ERGIC1: variants seen among roughly 807,000 people sequenced by gnomAD.
The protein encoded by ERGIC1 is endoplasmic reticulum-golgi intermediate compartment 1, also known as endoplasmic reticulum-Golgi intermediate compartment protein 1.
Under a neutral mutation model 38.3 loss-of-function variants are expected in ERGIC1, and 19 were observed. That is an observed-to-expected ratio of 0.50 (90% CI 0.35 to 0.73). ERGIC1 has a LOEUF of 0.73. ERGIC1 is among the 30% of genes least tolerant of loss of function. The probability of loss-of-function intolerance (pLI) is 0.01; values close to 1 mark genes in which losing one functional copy is unlikely to be tolerated. For missense variants in ERGIC1, 294 were observed against 389.2 expected (o/e 0.76, Z 2.06); for synonymous variants, 124 against 157.6 (o/e 0.79, Z 1.60).
At chr5:172,920,019 C>T (rs1763469520) in intron 5 of ERGIC1, among the ~76,000 whole-genome samples, 1 of 152,202 alleles carries the variant, frequency 6.6e-6, no homozygotes, top group Non-Finnish European at 1.5e-5. Context: ...GGTCACGCAG[C>T]CAGGATTTTA....
At chr5:172,890,417 G>T (rs1180387671) in intron 2 of ERGIC1, among the ~76,000 whole-genome samples, 1 of 152,172 alleles carries the variant, frequency 6.6e-6, no homozygotes, top group Admixed American at 6.5e-5. Context: ...GGGAAAACTG[G>T]TGAAGCCCAA....
chr5:172,877,088 G>A (rs188927675), intron 1 of ERGIC1, among the ~76,000 whole-genome samples: 1 of 152,234 alleles, frequency 6.6e-6, no homozygotes, highest in African/African-American at 2.4e-5. Context: ...TTTATAGTAA[G>A]TCTGGACATC....
intron 2 of ERGIC1, among the ~76,000 whole-genome samples, chr5:172,890,184 G>A (rs1052780132): frequency 3.3e-5 from 5 of 152,072 alleles, no homozygotes; most frequent in African/African-American, 9.7e-5. Context: ...TGCCTCCATG[G>A]GATCGTACCA....
intron 1 of ERGIC1, among the ~76,000 whole-genome samples, chr5:172,857,141 T>C (rs1761569390): frequency 6.6e-6 from 1 of 152,166 alleles, no homozygotes; most frequent in Admixed American, 6.5e-5. Flanking sequence ...GCCACCATGT[T>C]TTATGTATCT....
Position 172,893,868 on chromosome 5 carries a change from GATATATAT to G in ERGIC1, c.83-3103_83-3096del, listed in dbSNP as rs1191189327. ...CATTACGCTGCTGTTCACTTAGGGG[GATATATAT>G]ATATATATATATATATATATATATA... On this transcript the variant is annotated intron_variant, in intron 2 of 9. Coordinates refer to ENST00000393784, the MANE Select transcript of ERGIC1 (RefSeq NM_001031711.3). Among the ~76,000 whole-genome samples, 51 of 28,252 alleles carry G rather than the reference GATATATAT, an allele frequency of 1.8e-3. 2 individuals carry two copies. Among genetic ancestry groups the G allele is most frequent in the East Asian group, 0.011 (7 of 652 alleles). 18.5% of individuals were successfully genotyped at this position (28,252 alleles called of 152,430 possible).
rs1762480253 is a variant in ERGIC1 at position 172,888,681 on chromosome 5, T to TC, written c.21-16dup. The TC allele has an allele frequency of 1.9e-6, 3 of 1,612,764 alleles. No individual in the cohort carries two copies. ...CCCTTTGTGCCCACCTCACTCCTGT[T>TC]CCATTTGCTCTCCACAGGTTTGACA... On this transcript the variant is annotated splice_polypyrimidine_tract_variant and intron_variant, in intron 1 of 9. Transcript: ENST00000393784.
intron 9 of ERGIC1, among the ~76,000 whole-genome samples, chr5:172,947,752 A>G (rs1764154425): frequency 6.6e-6 from 1 of 152,008 alleles, no homozygotes; most frequent in African/African-American, 2.4e-5. Flanking sequence ...GTACCTCAAT[A>G]CACACATTGT....
rs1041047121 is a variant in ERGIC1, at chr5:172,897,116, G to A, written c.155+42G>A. ...CGATGGGGCATTCCAGGATGTTCTG[G>A]GACCCCAGACAAGAAGAGGGAGGGG... On this transcript the variant is annotated intron_variant, in intron 3 of 9. Transcript: ENST00000393784. The A allele has an allele frequency of 4.4e-6, 7 of 1,595,030 alleles. No individual in the cohort carries two copies. The Admixed American group carries it at 8.4e-5, about 19-fold the overall frequency.
At chr5:172,848,446 G>T (rs548327581) in intron 1 of ERGIC1, among the ~76,000 whole-genome samples, 2 of 152,326 alleles carry the variant, frequency 1.3e-5, no homozygotes, top group African/African-American at 4.8e-5. Context: ...GATCTTCCCA[G>T]ACTGCCTCTT....
rs1025160826 is a variant in ERGIC1 at position 172,902,081 on chromosome 5, A to C, written c.155+5007A>C. The stretch of plus-strand genomic sequence containing the variant: ...TGTGATGCTGAAGCCCAGGCTCAGC[A>C]CCTCCCCTCTGTTGTACCCCACTTC... On this transcript the variant is annotated intron_variant, in intron 3 of 9. Coordinates refer to ENST00000393784, the MANE Select transcript of ERGIC1 (RefSeq NM_001031711.3). 2.6e-5 allele frequency among the ~76,000 whole-genome samples: 4 copies of C among 151,966 alleles called. No homozygotes were observed. The East Asian group carries it at 7.7e-4, about 29-fold the overall frequency.
chr5:172,917,547 AG>A (rs1763399354), intron 5 of ERGIC1: 1 of 152,152 alleles, frequency 6.6e-6, no homozygotes, highest in Non-Finnish European at 1.5e-5. Flanking sequence ...ATGCCACTGA[AG>A]TTTGAGGAGC....
At chr5:172,900,958 CGAGAG>C (rs1762862025) in intron 3 of ERGIC1, among the ~76,000 whole-genome samples, 1 of 152,156 alleles carries the variant, frequency 6.6e-6, no homozygotes, top group Non-Finnish European at 1.5e-5. Context: ...ACAGAGCAAT[CGAGAG>C]GAGAAAGCAT....
At chr5:172,888,458 TAA>T (rs146563201) in intron 1 of ERGIC1, among the ~76,000 whole-genome samples, 1 of 144,034 alleles carries the variant, frequency 6.9e-6, no homozygotes, top group African/African-American at 2.6e-5. Context: ...AGACCCTGTT[TAA>T]AAAAAAAAAA....
rs1167590758 is a variant in ERGIC1, at chr5:172,908,304, GGC to G, written c.156-1361_156-1360del. On this transcript the variant is annotated intron_variant, in intron 3 of 9. Coordinates refer to ENST00000393784, the MANE Select transcript of ERGIC1 (RefSeq NM_001031711.3). ...CAGCACTTTGGGAGGCTGAGGCGGGGGCGGGGGGGGGGGGAGAGAGGGGAGGG... is the reference window on the plus strand; with the variant it reads ...CAGCACTTTGGGAGGCTGAGGCGGGGGGGGGGGGGGGGAGAGAGGGGAGGG... Among the ~76,000 whole-genome samples the G allele has an allele frequency of 1.2e-3, 3 of 2,580 alleles. 1 individual carries two copies. Among genetic ancestry groups the G allele is most frequent in the Non-Finnish European group, 5.6e-3 (2 of 354 alleles). 1.7% of individuals were successfully genotyped at this position (2,580 alleles called of 152,430 possible).
chr5:172,944,170 A>G (rs949948622), intron 9 of ERGIC1, among the ~76,000 whole-genome samples: 6 of 152,180 alleles, frequency 3.9e-5, no homozygotes, highest in Non-Finnish European at 8.8e-5. Context: ...GCAGTGGTGC[A>G]TGCACTGGCC....
intron 1 of ERGIC1, among the ~76,000 whole-genome samples, chr5:172,851,274 C>T (rs902528397): frequency 2.0e-5 from 3 of 149,814 alleles, no homozygotes; most frequent in Admixed American, 6.7e-5. Flanking sequence ...TTTGGGAGGC[C>T]GAGGCAGCCG....
At chr5:172,869,467 G>A (rs962363823) in intron 1 of ERGIC1, among the ~76,000 whole-genome samples, 3 of 152,164 alleles carry the variant, frequency 2.0e-5, no homozygotes, top group Admixed American at 2.0e-4. Flanking sequence ...TGGCTCTCTG[G>A]TGGGTCCAGG....
intron 1 of ERGIC1, among the ~76,000 whole-genome samples, chr5:172,870,747 G>A (rs1477187716): frequency 2.0e-5 from 3 of 152,094 alleles, no homozygotes; most frequent in Non-Finnish European, 2.9e-5. Flanking sequence ...CCTCCCTCTC[G>A]CAGCCACTCC....
At chr5:172,843,399 C>G (rs1761210756) in intron 1 of ERGIC1, among the ~76,000 whole-genome samples, 1 of 152,150 alleles carries the variant, frequency 6.6e-6, no homozygotes, top group Non-Finnish European at 1.5e-5. Flanking sequence ...AGCCTGGCAC[C>G]TCACATGGTG....
Sources: gnomAD v4.1 joint callset for allele counts (sites outside exome capture counted in the v4.1 genomes callset) on GRCh38, gnomAD v4.1.1 for gene constraint, MANE v1.5 for transcripts, NCBI Gene and HGNC (gene_info 2026-07-23, HGNC 2026-07-21) for gene names.